Variants in PHF21B observed in about 807,000 individuals in gnomAD.
PHF21B encodes PHD finger protein 4.
PHF21B carries 22 observed loss-of-function variants against 62.2 expected under a neutral mutation model. The observed-to-expected ratio is 0.35, with a 90% CI of 0.25 to 0.51. The LOEUF (loss-of-function observed/expected upper bound fraction) is 0.51. Ranked by LOEUF, PHF21B falls within the 20% of genes least tolerant of loss-of-function variation. The pLI is 0.97. For missense variants in PHF21B, 701 were observed against 707.9 expected, an observed-to-expected ratio of 0.99 and a Z score of 0.11; for synonymous variants, 341 against 314.7, an observed-to-expected ratio of 1.08 and a Z score of -0.88.
intron 2 of PHF21B, among the ~76,000 whole-genome samples, chr22:44,956,909 C>T (rs1191992789): frequency 6.6e-6 from 1 of 152,216 alleles, no homozygotes; most frequent in African/African-American, 2.4e-5. Flanking sequence ...CATTCAGGAG[C>T]CAACCGAGTG....
intron 5 of PHF21B, chr22:44,901,429 CA>C (rs2071156977): frequency 1.1e-5 from 2 of 173,950 alleles, no homozygotes; most frequent in Admixed American, 1.3e-4. Flanking sequence ...CAGCCAAATT[CA>C]CCTCATTGCA....
chr22:44,936,399 A>C (rs955531355), intron 2 of PHF21B, among the ~76,000 whole-genome samples: 10 of 152,180 alleles, frequency 6.6e-5, no homozygotes, highest in African/African-American at 2.2e-4. Context: ...TGTGGCCCTC[A>C]TCTCTCCCTG....
At chr22:44,994,928 C>A (rs915371275) in intron 2 of PHF21B, among the ~76,000 whole-genome samples, 1 of 152,248 alleles carries the variant, frequency 6.6e-6, no homozygotes, top group African/African-American at 2.4e-5. Flanking sequence ...CAGCCTGCAG[C>A]GGCAGCATCT....
At chr22:45,008,683 G>C in intron 1 of PHF21B, 73 bp from the exon 2 acceptor site, 2 of 1,207,902 alleles carry the variant, frequency 1.7e-6, no homozygotes, top group Non-Finnish European at 1.0e-6. Context: ...GCGGGCCGCG[G>C]CACCCCCCGC....
intron 2 of PHF21B, among the ~76,000 whole-genome samples, chr22:44,946,757 T>C (rs888551926): frequency 1.3e-5 from 2 of 152,094 alleles, no homozygotes; most frequent in African/African-American, 4.8e-5. Flanking sequence ...ATATTCCAGG[T>C]TGCAGGGGCT....
chr22:44,958,843 G>A (rs937506347), intron 2 of PHF21B, among the ~76,000 whole-genome samples: 34 of 152,036 alleles, frequency 2.2e-4, no homozygotes, highest in African/African-American at 7.5e-4. Context: ...GTTTCACCAT[G>A]TTGGCTAGGC....
intron 5 of PHF21B, among the ~76,000 whole-genome samples, chr22:44,911,532 T>C (rs12167105): frequency 0.019 from 2,933 of 152,280 alleles, 104 homozygotes; most frequent in African/African-American, 0.068. Flanking sequence ...GGGGCCAAGG[T>C]ACCCCTCAGC....
intron 2 of PHF21B, among the ~76,000 whole-genome samples, chr22:44,931,644 G>T (rs1380482444): frequency 7.8e-6 from 1 of 128,284 alleles, no homozygotes; most frequent in Non-Finnish European, 1.8e-5. Context: ...TGATCTTGGG[G>T]GGGGGGTGTC....
At chr22:44,999,007 C>T (rs1202072519) in intron 2 of PHF21B, among the ~76,000 whole-genome samples, 4 of 152,144 alleles carry the variant, frequency 2.6e-5, no homozygotes, top group Non-Finnish European at 5.9e-5. Context: ...CATGGATACC[C>T]TCCTTTCTGC....
chr22:44,905,887 C>T (rs553188790), intron 5 of PHF21B, among the ~76,000 whole-genome samples: 3 of 152,292 alleles, frequency 2.0e-5, no homozygotes, highest in Non-Finnish European at 2.9e-5. Context: ...CTCGGCCTCC[C>T]GAAGTGCTGG....
At chr22:44,899,285 C>CTTTTTTTTTTTTTTTTTTTTTTTTTT (rs71188499) in intron 5 of PHF21B, among the ~76,000 whole-genome samples, 1 of 97,560 alleles carries the variant, frequency 1.0e-5, no homozygotes, top group Non-Finnish European at 2.1e-5. Flanking sequence ...TGTTCTTATT[C>CTTTTTTTTTTTTTTTTTTTTTTTTTT]TTTTTTTTTT....
At chr22:44,894,260 GGA>G (rs1335594202) in intron 6 of PHF21B, among the ~76,000 whole-genome samples, 2 of 152,316 alleles carry the variant, frequency 1.3e-5, no homozygotes, top group African/African-American at 4.8e-5. Context: ...CAGAGGTTGG[GGA>G]GAGGTTTCTA....
Position 44,888,170 on chromosome 22 carries a change from C to T in PHF21B, c.1039-49G>A, listed in dbSNP as rs775309542. Reference sequence around the variant, plus strand: ...GACAGGTCAGCCACAGCCAGGGCAGCGGGGGCCGGTCAGCCAGGGCCAGGC... The same window carrying T: ...GACAGGTCAGCCACAGCCAGGGCAGTGGGGGCCGGTCAGCCAGGGCCAGGC... On this transcript the variant is annotated intron_variant, in intron 9 of 12. Coordinates refer to ENST00000313237, the MANE Select transcript of PHF21B (RefSeq NM_138415.5). The T allele has an allele frequency of 2.5e-5, 36 of 1,441,934 alleles. 1 individual carries two copies. The highest frequency in any genetic ancestry group is 2.3e-4 in the South Asian group (16 of 69,640). The allele number at this position is 1,441,934 out of a possible 1,614,324, so 89.3% of individuals were successfully genotyped here.
intron 5 of PHF21B, among the ~76,000 whole-genome samples, chr22:44,903,246 T>C (rs1380529862): frequency 6.6e-6 from 1 of 152,100 alleles, no homozygotes; most frequent in Non-Finnish European, 1.5e-5. Flanking sequence ...CTCCCTTTCC[T>C]TTTGCACTTC....
chr22:44,923,491 T>C (rs1216940630), intron 2 of PHF21B, among the ~76,000 whole-genome samples: 3 of 152,042 alleles, frequency 2.0e-5, no homozygotes, highest in Non-Finnish European at 4.4e-5. Flanking sequence ...ACATAATCGA[T>C]ATAAGGGCAA....
At chr22:44,985,419 G>T (rs529183338) in intron 2 of PHF21B, among the ~76,000 whole-genome samples, 1 of 152,142 alleles carries the variant, frequency 6.6e-6, no homozygotes, top group Admixed American at 6.5e-5. Context: ...CCCAGCCTAG[G>T]CAACAGTGAG....
chr22:45,009,659 G>A lies in PHF21B; in HGVS notation c.-110C>T, dbSNP rs1358640883. On this transcript the variant is annotated 5_prime_UTR_variant, in exon 1 of 13. Coordinates refer to ENST00000313237, the MANE Select transcript of PHF21B (RefSeq NM_138415.5). The surrounding 1 kb of genome is among the most constrained non-coding windows in gnomAD (Gnocchi z 5.9). ...CGGGCGGACGCGGCCTCCGGGCTGG[G>A]TTGGGGGGGACACGAGCCCCCTCCC... 1 of 1,052,590 alleles carries A rather than the reference G, an allele frequency of 9.5e-7. No homozygotes were observed. Among genetic ancestry groups the A allele is most frequent in the South Asian group, 1.8e-5 (1 of 55,002 alleles). 65.2% of individuals were successfully genotyped at this position (1,052,590 alleles called of 1,614,324 possible). A position where few individuals can be genotyped will look rare whatever the true frequency, so the allele number is the denominator to read the frequency against.
At chr22:44,885,976 C>T in intron 10 of PHF21B, 38 bp from the exon 11 acceptor site, 2 of 1,596,636 alleles carry the variant, frequency 1.3e-6, no homozygotes, top group Non-Finnish European at 1.7e-6. Flanking sequence ...GTGGACAGGC[C>T]CTGGGACCTG....
chr22:45,006,965 C>CA (rs2073325493), intron 2 of PHF21B, among the ~76,000 whole-genome samples: 1 of 151,950 alleles, frequency 6.6e-6, no homozygotes, highest in African/African-American at 2.4e-5. Context: ...AAAATGGCAT[C>CA]AAAGCAATCA....
Sources: gnomAD v4.1 joint callset for allele counts (sites outside exome capture counted in the v4.1 genomes callset) on GRCh38, gnomAD v4.1.1 for gene constraint, Gnocchi (gnomAD v3.1) non-coding constraint, MANE v1.5 for transcripts, NCBI Gene and HGNC (gene_info 2026-07-23, HGNC 2026-07-21) for gene names.